Variants in ADAMTSL3 observed in about 807,000 individuals in gnomAD.
The protein encoded by ADAMTSL3 is ADAMTS like 3.
A neutral mutation model predicts 201.7 loss-of-function variants in ADAMTSL3; 128 were observed. The observed-to-expected ratio is 0.63, with a 90% CI of 0.55 to 0.73. ADAMTSL3 has a LOEUF of 0.73. Ranked by LOEUF, ADAMTSL3 falls within the 30% of genes least tolerant of loss-of-function variation. The pLI is 0.00. For missense variants in ADAMTSL3, 1,990 were observed against 2,119.6 expected (o/e 0.94, Z 1.20); for synonymous variants, 738 against 748.4 (o/e 0.99, Z 0.23).
intron 21 of ADAMTSL3, among the ~76,000 whole-genome samples, chr15:83,984,297 T>G (rs2141818023): frequency 6.6e-6 from 1 of 152,362 alleles, no homozygotes; most frequent in Admixed American, 6.5e-5. Context: ...ACTTTCAAAA[T>G]GCAAGTTTTA....
intron 7 of ADAMTSL3, among the ~76,000 whole-genome samples, chr15:83,849,592 T>C (rs2064567952): frequency 6.6e-6 from 1 of 152,212 alleles, no homozygotes; most frequent in Non-Finnish European, 1.5e-5. Context: ...AGCAGTCTGC[T>C]CTTTCTTACT....
chr15:84,005,253 A>G (rs1043906298), intron 23 of ADAMTSL3, among the ~76,000 whole-genome samples: 2 of 152,196 alleles, frequency 1.3e-5, no homozygotes, highest in Non-Finnish European at 2.9e-5. Flanking sequence ...ATGATCTCCA[A>G]ATAACTAATA....
chr15:83,960,788 A>T (rs2066953211), intron 19 of ADAMTSL3, among the ~76,000 whole-genome samples: 1 of 152,224 alleles, frequency 6.6e-6, no homozygotes, highest in African/African-American at 2.4e-5. Context: ...AAGACAACAA[A>T]TGGATGTAAA....
intron 2 of ADAMTSL3, among the ~76,000 whole-genome samples, chr15:83,701,786 A>G (rs926207064): frequency 3.3e-5 from 5 of 152,170 alleles, no homozygotes; most frequent in South Asian, 2.1e-4. Flanking sequence ...CCCAGTCTCG[A>G]GTATGTCATT....
chr15:83,886,744 A>G (rs2065398829), intron 10 of ADAMTSL3, among the ~76,000 whole-genome samples: 1 of 152,158 alleles, frequency 6.6e-6, no homozygotes, highest in South Asian at 2.1e-4. Context: ...CCTTTAAACT[A>G]CAGGTATATG....
chr15:83,907,601 A>G (rs2065864935), intron 15 of ADAMTSL3, among the ~76,000 whole-genome samples: 1 of 152,028 alleles, frequency 6.6e-6, no homozygotes, highest in African/African-American at 2.4e-5. Context: ...ACAGCGTTTC[A>G]CCATGTTGGC....
intron 2 of ADAMTSL3, among the ~76,000 whole-genome samples, chr15:83,683,541 T>C (rs2061500655): frequency 6.6e-6 from 1 of 152,178 alleles, no homozygotes. Context: ...CTATTTTACC[T>C]TTGGGCCCCT....
chr15:83,794,312 T>TC lies in ADAMTSL3; in HGVS notation c.318-10337dup, dbSNP rs139507947. Among the ~76,000 whole-genome samples, 1,427 of 152,304 alleles carry TC rather than the reference T, an allele frequency of 9.4e-3. 23 individuals are homozygous for TC. Among genetic ancestry groups the TC allele is most frequent in the African/African-American group, 0.032 (1,340 of 41,560 alleles). On this transcript the variant is annotated intron_variant, in intron 4 of 29. Coordinates refer to ENST00000286744, the MANE Select transcript of ADAMTSL3 (RefSeq NM_207517.3). ...CAGCAATTGCACTCCTGGGCATTTT[T>TC]CTCAGATAAATGAAGACTTAGGTTC...
intron 23 of ADAMTSL3, among the ~76,000 whole-genome samples, chr15:84,013,417 C>G (rs1024659086): frequency 2.0e-5 from 3 of 152,222 alleles, no homozygotes; most frequent in East Asian, 3.8e-4. Context: ...TCTCCATTCT[C>G]ACTAACCAGA....
intron 2 of ADAMTSL3, among the ~76,000 whole-genome samples, chr15:83,703,629 C>T (rs912389502): frequency 6.6e-6 from 1 of 152,074 alleles, no homozygotes; most frequent in Non-Finnish European, 1.5e-5. Flanking sequence ...TCGGAAGTGC[C>T]TTTCACCTCC....
rs767234591 is a variant in ADAMTSL3 at position 83,773,503 on chromosome 15, G to A, written c.190-20G>A. On this transcript the variant is annotated intron_variant, in intron 3 of 29. Transcript: ENST00000286744. ...TTATTGTGTGGTTTTTTTTTTGTTT[G>A]TTTGCTTTTTAACATCTAGACCTCA... The A allele has an allele frequency of 4.4e-6, 7 of 1,591,430 alleles. No homozygotes were observed. Among genetic ancestry groups the A allele is most frequent in the East Asian group, 2.3e-5 (1 of 43,766 alleles).
At chr15:83,771,978 G>A (rs886824109) in intron 3 of ADAMTSL3, among the ~76,000 whole-genome samples, 65 of 151,768 alleles carry the variant, frequency 4.3e-4, no homozygotes, top group Admixed American at 4.1e-3. Flanking sequence ...TCAGCCTCCC[G>A]AGTACCTGGG....
intron 7 of ADAMTSL3, among the ~76,000 whole-genome samples, chr15:83,852,606 G>C (rs1455502548): frequency 6.6e-6 from 1 of 151,904 alleles, no homozygotes; most frequent in African/African-American, 2.4e-5. Context: ...TTGACATTTT[G>C]ATTTTTCTGT....
chr15:83,910,091 G>C (rs2065905109), intron 15 of ADAMTSL3, among the ~76,000 whole-genome samples: 1 of 152,048 alleles, frequency 6.6e-6, no homozygotes, highest in African/African-American at 2.4e-5. Context: ...TGTTTCTTCT[G>C]TTTTTTCCTA....
intron 3 of ADAMTSL3, among the ~76,000 whole-genome samples, chr15:83,772,819 C>T (rs1463910933): frequency 6.6e-6 from 1 of 151,814 alleles, no homozygotes; most frequent in Non-Finnish European, 1.5e-5. Flanking sequence ...GATTCTCCTG[C>T]TTTGGCCTCC....
intron 16 of ADAMTSL3, among the ~76,000 whole-genome samples, chr15:83,920,610 A>G (rs191010767): frequency 3.9e-5 from 6 of 152,320 alleles, no homozygotes; most frequent in Admixed American, 3.9e-4. Context: ...TGTTCTTTCC[A>G]AATATGATCC....
intron 7 of ADAMTSL3, among the ~76,000 whole-genome samples, chr15:83,840,258 A>G (rs571170139): frequency 6.6e-6 from 1 of 152,166 alleles, no homozygotes; most frequent in Non-Finnish European, 1.5e-5. Context: ...CAAAAATGAG[A>G]TGGGGGTGGC....
chr15:83,987,131 G>A (rs988786902), intron 21 of ADAMTSL3, among the ~76,000 whole-genome samples: 2 of 152,318 alleles, frequency 1.3e-5, no homozygotes, highest in Admixed American at 6.5e-5. Context: ...TATTTTTCAT[G>A]TGTAGTCACT....
rs758713259 is a variant in ADAMTSL3, at chr15:83,982,254, C to CTTTT, written c.2645-11_2645-8dup. On this transcript the variant is annotated intron_variant, in intron 20 of 29. Coordinates refer to ENST00000286744, the MANE Select transcript of ADAMTSL3 (RefSeq NM_207517.3). ...TGTTTATTCGTATTTTCTTTTCTTT[C>CTTTT]TTTTTTTTTTTCTTGGAGAAATCAA... 5.1e-6 allele frequency: 6 copies of CTTTT among 1,165,402 alleles called. No individual in the cohort carries two copies. Among genetic ancestry groups the CTTTT allele is most frequent in the Non-Finnish European group, 4.7e-6 (4 of 854,296 alleles). The allele number at this position is 1,165,402 out of a possible 1,614,324, so 72.2% of individuals were successfully genotyped here.
Sources: gnomAD v4.1 joint callset for allele counts (sites outside exome capture counted in the v4.1 genomes callset) on GRCh38, gnomAD v4.1.1 for gene constraint, MANE v1.5 for transcripts, NCBI Gene and HGNC (gene_info 2026-07-23, HGNC 2026-07-21) for gene names.